PIK3R3: variants seen among roughly 807,000 people sequenced by gnomAD.
PIK3R3 encodes the protein phosphatidylinositol 3-kinase regulatory subunit gamma.
Under a neutral mutation model 62.9 loss-of-function variants are expected in PIK3R3, and 64 were observed. That is an observed-to-expected ratio of 1.02 (90% confidence interval 0.83 to 1.25). The LOEUF (loss-of-function observed/expected upper bound fraction) is 1.25. Ranked by LOEUF, PIK3R3 falls within the 50% of genes most tolerant of loss-of-function variation. The pLI, the probability that PIK3R3 is intolerant of heterozygous loss-of-function variation, is 0.00. For synonymous variants in PIK3R3, 165 were observed against 189.0 expected, an observed-to-expected ratio of 0.87 and a Z score of 1.04; for missense variants, 614 against 561.6, an observed-to-expected ratio of 1.09 and a Z score of -0.94.
At chr1:46,090,340 A>AT in intron 1 of PIK3R3, among the ~76,000 whole-genome samples, 1 of 150,812 alleles carries the variant, frequency 6.6e-6, no homozygotes, top group South Asian at 2.1e-4. Flanking sequence ...TTATTTATTT[A>AT]TTTATTTTTT....
intron 6 of PIK3R3, chr1:46,057,010 G>A (rs1019574056): frequency 2.0e-5 from 3 of 152,156 alleles, no homozygotes; most frequent in Admixed American, 1.3e-4. Flanking sequence ...GTTTGGCTGT[G>A]CCCTCACCCA....
intron 1 of PIK3R3, 115 bp downstream of exon 1, chr1:46,131,729 TCTC>T (rs1381541484): frequency 5.0e-6 from 4 of 796,074 alleles, no homozygotes; most frequent in South Asian, 1.3e-5. Context: ...TAACTGCAAA[TCTC>T]CTCATCCCGA....
chr1:46,161,847 T>C, the PIK3R3 span, among the ~76,000 whole-genome samples: 15 of 151,998 alleles, frequency 9.9e-5, no homozygotes, highest in South Asian at 4.2e-4. Context: ...AATCCCAGCA[T>C]TTTGGGAGGC....
At chr1:46,109,809 C>A (rs1653571169) in intron 1 of PIK3R3, among the ~76,000 whole-genome samples, 1 of 152,154 alleles carries the variant, frequency 6.6e-6, no homozygotes, top group East Asian at 1.9e-4. Flanking sequence ...CCACCCTTCT[C>A]TGCTTCTTTT....
intron 9 of PIK3R3, among the ~76,000 whole-genome samples, chr1:46,045,644 T>TTTTTTTTTTTTTTTTTTTTTTC (rs370501368): frequency 2.2e-4 from 18 of 82,680 alleles, no homozygotes; most frequent in Non-Finnish European, 3.3e-4. Flanking sequence ...TTTTTTTTTT[T>TTTTTTTTTTTTTTTTTTTTTTC]CAATTTAAGA....
chr1:46,138,828 T>A, the PIK3R3 span: 1 of 152,230 alleles, frequency 6.6e-6, no homozygotes, highest in Non-Finnish European at 1.5e-5. Context: ...CTTTGAGCAT[T>A]TGATTGAAAA....
chr1:46,137,880 G>A (rs976863511), upstream of PIK3R3, among the ~76,000 whole-genome samples: 2 of 152,212 alleles, frequency 1.3e-5, no homozygotes, highest in African/African-American at 4.8e-5. Context: ...AATCCTTTCT[G>A]TAGGTATTCA....
the PIK3R3 span, among the ~76,000 whole-genome samples, chr1:46,156,730 C>T: frequency 2.6e-5 from 4 of 152,152 alleles, no homozygotes; most frequent in Non-Finnish European, 5.9e-5. Context: ...AGCTTCTGTC[C>T]ATTAGCTGTC....
At chr1:46,058,201 G>A (rs905693095) in intron 6 of PIK3R3, among the ~76,000 whole-genome samples, 14 of 152,260 alleles carry the variant, frequency 9.2e-5, no homozygotes, top group Admixed American at 3.9e-4. Context: ...GTGCACAGAA[G>A]TCAAGAATTG....
At chr1:46,097,912 C>G in intron 1 of PIK3R3, among the ~76,000 whole-genome samples, 1 of 148,310 alleles carries the variant, frequency 6.7e-6, no homozygotes, top group Non-Finnish European at 1.5e-5. Context: ...AAAAAAGATT[C>G]TAGCCAGGGC....
chr1:46,079,714 G>A (rs1474521841), intron 2 of PIK3R3, among the ~76,000 whole-genome samples: 1 of 152,074 alleles, frequency 6.6e-6, no homozygotes, highest in Non-Finnish European at 1.5e-5. Flanking sequence ...AGCACTTTGG[G>A]AGGCCAAGGT....
At chr1:46,128,588 G>A (rs1655293801) in intron 1 of PIK3R3, among the ~76,000 whole-genome samples, 1 of 152,182 alleles carries the variant, frequency 6.6e-6, no homozygotes, top group Admixed American at 6.5e-5. Flanking sequence ...TAAGTAGAAA[G>A]GCACCTAAAG....
At chr1:46,087,491 A>G (rs1231332607) in intron 1 of PIK3R3, among the ~76,000 whole-genome samples, 1 of 151,598 alleles carries the variant, frequency 6.6e-6, no homozygotes, top group Non-Finnish European at 1.5e-5. Flanking sequence ...ATATACCCCC[A>G]GTCAGGAGTT....
chr1:46,082,767 G>A (rs1650719713), intron 1 of PIK3R3, among the ~76,000 whole-genome samples: 1 of 152,080 alleles, frequency 6.6e-6, no homozygotes, highest in South Asian at 2.1e-4. Context: ...TCCCCCCAAA[G>A]AGAAGTCCCT....
the PIK3R3 span, among the ~76,000 whole-genome samples, chr1:46,151,656 G>A: frequency 6.6e-6 from 1 of 152,126 alleles, no homozygotes; most frequent in African/African-American, 2.4e-5. Context: ...TCAACTTTAG[G>A]AATGCTATAG....
In PIK3R3 at chr1:46,077,523, CAAAGTAT is replaced by C. The variant is rs746812479; in HGVS notation, c.299_305del (p.Tyr100Ter). ...GACTGAAAAGTACTTACCGCAAAGT[CAAAGTAT>C]AATCTCCCTGCATTTTTGTTGAGGC... On this transcript the variant is annotated frameshift_variant, in exon 3 of 10. Coordinates refer to ENST00000262741, the MANE Select transcript of PIK3R3 (RefSeq NM_003629.4). LOFTEE classifies it high-confidence loss of function. The C allele has an allele frequency of 1.9e-6, 3 of 1,600,016 alleles. No homozygotes were observed. The highest frequency in any genetic ancestry group is 2.6e-6 in the Non-Finnish European group (3 of 1,167,426).
intron 1 of PIK3R3, among the ~76,000 whole-genome samples, chr1:46,127,216 C>T (rs915206094): frequency 4.6e-5 from 7 of 151,786 alleles, no homozygotes; most frequent in Admixed American, 4.6e-4. Flanking sequence ...GTGGCAAGCA[C>T]CTACAGTCCC....
intron 7 of PIK3R3, among the ~76,000 whole-genome samples, chr1:46,047,437 CA>C (rs766324030): frequency 5.1e-4 from 31 of 60,948 alleles, no homozygotes; most frequent in Admixed American, 6.5e-4. Context: ...GACTCCATCT[CA>C]AAAAAAAAAA....
At chr1:46,047,468 A>AAAT (rs1647147145) in intron 7 of PIK3R3, among the ~76,000 whole-genome samples, 3 of 133,850 alleles carry the variant, frequency 2.2e-5, no homozygotes, top group Non-Finnish European at 3.3e-5. Context: ...AAGAAAGAAA[A>AAAT]GAAAAAATCA....
Sources: allele counts gnomAD v4.1 joint callset (sites outside exome capture counted in the v4.1 genomes callset), GRCh38; gene constraint gnomAD v4.1.1; transcripts MANE v1.5; gene names NCBI Gene and HGNC (gene_info 2026-07-23, HGNC 2026-07-21).